Variants in CKAP2 observed in about 807,000 individuals in gnomAD.
CKAP2 encodes cytoskeleton-associated protein 2.
CKAP2 carries 46 observed loss-of-function variants against 58.4 expected under a neutral mutation model. That is an observed-to-expected ratio of 0.79 (90% CI 0.62 to 1.01). The LOEUF is 1.01. CKAP2 is among the 50% of genes least tolerant of loss of function. The pLI is 0.00. For missense variants in CKAP2, 809 were observed against 796.4 expected, an observed-to-expected ratio of 1.02 and a Z score of -0.19; for synonymous variants, 293 against 280.9, an observed-to-expected ratio of 1.04 and a Z score of -0.43.
Position 52,461,832 on chromosome 13 carries a change from A to G in CKAP2, c.1006A>G (p.Lys336Glu). Reference protein sequence around the residue: ...ASLSNDKLMEKSEPVDQRRHT... With the variant: ...ASLSNDKLMEESEPVDQRRHT... The stretch of plus-strand genomic sequence containing the variant: ...ATTGTCTAATGATAAACTGATGGAA[A>G]AGTCAGAGCCCGTTGACCAGCGAAG... The change falls in exon 4 of 9, where the codon AAG becomes GAG. Residue 336 changes from lysine to glutamate, a missense_variant. By Grantham distance (56) the Lys-to-Glu change is moderately conservative. This residue lies in a region of CKAP2 where 523 missense variants were observed against 492.4 expected (regional missense o/e 1.06). Transcript: ENST00000258607. 1 of 1,614,184 alleles carries G rather than the reference A, an allele frequency of 6.2e-7. No individual in the cohort carries two copies. The highest frequency in any genetic ancestry group is 8.5e-7 in the Non-Finnish European group (1 of 1,180,016).
chr13:52,455,777 T>A (rs1031988758), intron 1 of CKAP2, 151 bp downstream of exon 1: 12 of 991,402 alleles, frequency 1.2e-5, no homozygotes, highest in Non-Finnish European at 1.5e-5. Flanking sequence ...CCCTGCCTCA[T>A]TCTTGGCCTT....
At position 52,460,912 on chromosome 13, in the gene CKAP2, G is replaced by C; in HGVS notation, c.169G>C (p.Val57Leu). Residue 57 changes from valine (V) to leucine (L), a missense_variant, in exon 3 of 9, where the codon GTT becomes CTT. Val to Leu is a conservative substitution (Grantham distance 32). Around this residue, in one of 3 missense-constraint regions of CKAP2, gnomAD observed 523 missense variants for 492.4 expected, o/e 1.06. Transcript: ENST00000258607. ...GTTTTTAAGTAGTAGAGATCAGAGAGTTGTGACATCTGAGGACCAAGTTCA... is the reference window on the plus strand; with the variant it reads ...GTTTTTAAGTAGTAGAGATCAGAGACTTGTGACATCTGAGGACCAAGTTCA... Reference protein sequence around the residue: ...NEMLSSRDQRVVTSEDQVQEG... With the variant: ...NEMLSSRDQRLVTSEDQVQEG... 2 of 1,613,274 alleles carry C rather than the reference G, an allele frequency of 1.2e-6. No individual in the cohort carries two copies. The highest frequency in any genetic ancestry group is 1.7e-6 in the Non-Finnish European group (2 of 1,179,806).
intron 5 of CKAP2, among the ~76,000 whole-genome samples, chr13:52,464,545 C>T (rs1247505653): frequency 8.0e-6 from 1 of 125,592 alleles, no homozygotes; most frequent in Non-Finnish European, 1.7e-5. Context: ...AAGAGCAAAA[C>T]TCCGTCTCAA....
chr13:52,461,092 G>A lies in CKAP2; in HGVS notation c.266G>A (p.Ser89Asn), dbSNP rs546281774. Residue 89 changes from serine (S) to asparagine (N), a missense_variant, in exon 4 of 9, where the codon AGC (serine) becomes AAC (asparagine). By Grantham distance (46) the Ser-to-Asn change is conservative. Coordinates refer to ENST00000258607, the MANE Select transcript of CKAP2 (RefSeq NM_018204.5). ...DKENMKRPAE[S>N]KNNTVVGKHC... is the part of the protein sequence containing the mutation. ...GAAAACATGAAGAGACCTGCAGAGA[G>A]CAAAAATAATACAGTGGTGGGGAAA... 1.2e-6 allele frequency: 2 copies of A among 1,604,202 alleles called. No individual in the cohort carries two copies. The highest frequency in any genetic ancestry group is 4.5e-5 in the East Asian group (2 of 44,812).
intron 7 of CKAP2, among the ~76,000 whole-genome samples, chr13:52,471,967 C>T (rs1174652263): frequency 1.2e-4 from 18 of 152,176 alleles, no homozygotes; most frequent in Admixed American, 1.2e-3. Flanking sequence ...TCTTCTCTTT[C>T]CCTCTCCCCT....
intron 1 of CKAP2, 96 bp downstream of exon 1, chr13:52,455,722 C>G: frequency 3.1e-6 from 4 of 1,288,018 alleles, no homozygotes; most frequent in Non-Finnish European, 4.0e-6. Context: ...GCGCGCTTCA[C>G]CTCTCCCCCG....
chr13:52,475,045 G>A lies in CKAP2; in HGVS notation c.1953G>A (p.Leu651=). 1 of 1,614,190 alleles carries A rather than the reference G, an allele frequency of 6.2e-7. No individual in the cohort carries two copies. Among genetic ancestry groups the A allele is most frequent in the Non-Finnish European group, 8.5e-7 (1 of 1,180,022 alleles). The stretch of plus-strand genomic sequence containing the variant: ...ATCATTATCCTTGTGTGTCTTCATT[G>A]GAACAGCTAACGGAGTTGGGAAGAG... ...LKDHYPCVSS[L]EQLTELGRET... Residue 651 remains leucine, a synonymous_variant, in exon 9 of 9, where the codon TTG becomes TTA. Coordinates refer to ENST00000258607, the MANE Select transcript of CKAP2 (RefSeq NM_018204.5).
intron 1 of CKAP2, chr13:52,456,090 G>T (rs1958475055): frequency 9.8e-7 from 1 of 1,019,190 alleles, no homozygotes; most frequent in African/African-American, 1.7e-5. Flanking sequence ...GAAACCGAGG[G>T]TTGGTTGGGT....
intron 7 of CKAP2, among the ~76,000 whole-genome samples, chr13:52,470,462 G>A (rs1318463703): frequency 1.3e-5 from 2 of 152,048 alleles, no homozygotes; most frequent in African/African-American, 4.8e-5. Context: ...TTCCAGAACA[G>A]TATTAGTACC....
rs145167400 is a variant in CKAP2, at chr13:52,464,237, C to T, written c.1306-1058C>T. On this transcript the variant is annotated intron_variant, in intron 5 of 8. Coordinates refer to ENST00000258607, the MANE Select transcript of CKAP2 (RefSeq NM_018204.5). ...GTCATTATTATCACAGATTAAGTTA[C>T]CTAAAATACTCAAAAAAAAAATCCC... Among the ~76,000 whole-genome samples, 372 of 151,994 alleles carry T rather than the reference C, an allele frequency of 2.4e-3. 3 individuals are homozygous for T. Among genetic ancestry groups the T allele is most frequent in the African/African-American group, 8.6e-3 (357 of 41,354 alleles).
At chr13:52,471,149 T>C (rs1313767637) in intron 7 of CKAP2, among the ~76,000 whole-genome samples, 1 of 151,036 alleles carries the variant, frequency 6.6e-6, no homozygotes, top group East Asian at 1.9e-4. Context: ...AGAGTGAGAC[T>C]CCGTGTCAAA....
chr13:52,475,106 C>T lies in CKAP2; in HGVS notation c.2014C>T (p.Leu672=). 4 of 1,614,200 alleles carry T rather than the reference C, an allele frequency of 2.5e-6. No individual in the cohort carries two copies. Residue 672 remains leucine (L), a synonymous_variant, in exon 9 of 9, where the codon CTG becomes TTG. Transcript: ENST00000258607. Reference sequence around the variant, plus strand: ...TTTTGTATGCCGCCCTAATGCAGCACTGTGCCGGGTGTACTATGAGGCTGA... The same window carrying T: ...TTTTGTATGCCGCCCTAATGCAGCATTGTGCCGGGTGTACTATGAGGCTGA... ...DAFVCRPNAA[L]CRVYYEADTT
Position 52,475,728 on chromosome 13 carries a change from A to G in CKAP2, c.*587A>G, listed in dbSNP as rs1281087117. The G allele has an allele frequency of 6.6e-6, 1 of 152,234 alleles. No individual in the cohort carries two copies. Among genetic ancestry groups the G allele is most frequent in the Non-Finnish European group, 1.5e-5 (1 of 68,046 alleles). The allele number at this position is 152,234 out of a possible 1,614,324, so 9.4% of individuals were successfully genotyped here. On this transcript the variant is annotated 3_prime_UTR_variant, in exon 9 of 9. Coordinates refer to ENST00000258607, the MANE Select transcript of CKAP2 (RefSeq NM_018204.5). ...TTGGACTGCCTGTTGATTGATGGAAAGTGTCTGCACTGACACTTTTCGTCA... is the reference window on the plus strand; with the variant it reads ...TTGGACTGCCTGTTGATTGATGGAAGGTGTCTGCACTGACACTTTTCGTCA...
At position 52,461,250 on chromosome 13, in the gene CKAP2, A is replaced by C. The variant is rs201217629; in HGVS notation, c.424A>C (p.Thr142Pro). The change falls in exon 4 of 9, where the codon ACA becomes CCA. Residue 142 changes from threonine to proline, a missense_variant. Thr to Pro is a conservative substitution (Grantham distance 38, BLOSUM62 -1). Around this residue, in one of 3 missense-constraint regions of CKAP2, gnomAD observed 523 missense variants for 492.4 expected, o/e 1.06. Coordinates refer to ENST00000258607, the MANE Select transcript of CKAP2 (RefSeq NM_018204.5). ...TEDDPQSQHM[T>P]LSQAFHLKNN... ...AGATGATCCCCAAAGTCAACATATG[A>C]CATTAAGCCAGGCATTTCACCTTAA... The C allele has an allele frequency of 1.5e-4, 241 of 1,613,444 alleles. No individual in the cohort carries two copies. Among genetic ancestry groups the C allele is most frequent in the Non-Finnish European group, 2.0e-4 (239 of 1,179,916 alleles).
rs777140404 is a variant in CKAP2 at position 52,465,370 on chromosome 13, A to G, written c.1381A>G (p.Lys461Glu). The G allele has an allele frequency of 3.1e-6, 5 of 1,613,328 alleles. No individual in the cohort carries two copies. The highest frequency in any genetic ancestry group is 2.7e-5 in the African/African-American group (2 of 75,028). ...KNIPDAKKLV[K>E]YWICLALIEP... ...TATTCCAGATGCCAAAAAGCTTGTT[A>G]AGTATTGGATATGTCTTGCACTTAT... is the stretch of plus-strand genomic sequence containing the variant. The change falls in exon 6 of 9, where the codon AAG becomes GAG. Residue 461 changes from lysine (K) to glutamate (E), a missense_variant. Around this residue, in one of 3 missense-constraint regions of CKAP2, gnomAD observed 283 missense variants for 287.6 expected, o/e 0.98. Coordinates refer to ENST00000258607, the MANE Select transcript of CKAP2 (RefSeq NM_018204.5).
At position 52,461,499 on chromosome 13, in the gene CKAP2, G is replaced by T. The variant is rs368615547; in HGVS notation, c.673G>T (p.Val225Leu). 8.1e-6 allele frequency: 13 copies of T among 1,614,034 alleles called. No homozygotes were observed. Among genetic ancestry groups the T allele is most frequent in the Non-Finnish European group, 1.1e-5 (13 of 1,180,036 alleles). Residue 225 changes from valine (V) to leucine (L), a missense_variant, in exon 4 of 9, where the codon GTA (valine) becomes TTA (leucine). Around this residue, in one of 3 missense-constraint regions of CKAP2, gnomAD observed 523 missense variants for 492.4 expected, o/e 1.06. Coordinates refer to ENST00000258607, the MANE Select transcript of CKAP2 (RefSeq NM_018204.5). Reference sequence around the variant, plus strand: ...ACCTCAGCCTGTAAACACCAGCAGTGTAACAGTGAAAAGTAATAGATCCTC... The same window carrying T: ...ACCTCAGCCTGTAAACACCAGCAGTTTAACAGTGAAAAGTAATAGATCCTC... ...TKPQPVNTSS[V>L]TVKSNRSSNM...
At chr13:52,460,422 T>C (rs1272845405) in intron 2 of CKAP2, among the ~76,000 whole-genome samples, 3 of 151,970 alleles carry the variant, frequency 2.0e-5, no homozygotes, top group Non-Finnish European at 4.4e-5. Context: ...TTAGAAAATA[T>C]CTTTAAATTC....
chr13:52,466,405 T>A (rs1251015056), intron 6 of CKAP2, among the ~76,000 whole-genome samples: 1 of 152,238 alleles, frequency 6.6e-6, no homozygotes, highest in Non-Finnish European at 1.5e-5. Context: ...GCTATTTGAC[T>A]TTTCACTTAA....
At chr13:52,467,483 G>A (rs753642733) in intron 6 of CKAP2, among the ~76,000 whole-genome samples, 6 of 152,058 alleles carry the variant, frequency 3.9e-5, no homozygotes, top group African/African-American at 9.7e-5. Context: ...TTGGGAGGCC[G>A]GCAAATCATG....
Sources: allele counts gnomAD v4.1 joint callset (sites outside exome capture counted in the v4.1 genomes callset), GRCh38; gene constraint gnomAD v4.1.1; regional missense constraint gnomAD v4.1.1; transcripts MANE v1.5; gene names NCBI Gene and HGNC (gene_info 2026-07-23, HGNC 2026-07-21).